GUCD1: variants seen among roughly 807,000 people sequenced by gnomAD.
GUCD1 encodes the protein protein GUCD1.
In GUCD1, 17 loss-of-function variants were observed where a neutral mutation model predicts 28.3. The observed-to-expected ratio is 0.60, with a 90% confidence interval of 0.41 to 0.90. The LOEUF (loss-of-function observed/expected upper bound fraction) is 0.90. GUCD1 is among the 40% of genes least tolerant of loss of function. The pLI, the probability that GUCD1 is intolerant of heterozygous loss-of-function variation, is 0.00. For missense variants in GUCD1, 279 were observed against 305.5 expected, an observed-to-expected ratio of 0.91 and a Z score of 0.65; for synonymous variants, 129 against 123.3, an observed-to-expected ratio of 1.05 and a Z score of -0.30.
chr22:24,555,280 C>T, upstream of GUCD1: 1 of 1,371,566 alleles, frequency 7.3e-7, no homozygotes, highest in African/African-American at 1.5e-5. Flanking sequence ...GCCGCCTCAG[C>T]GTTGAGTGGC....
intron 4 of GUCD1, 124 bp from the exon 5 acceptor site, chr22:24,544,207 C>G (rs2044668266): frequency 7.5e-7 from 1 of 1,333,382 alleles, no homozygotes; most frequent in African/African-American, 1.4e-5. Context: ...TCCCTTTGCC[C>G]TGAACTCCCT....
intron 2 of GUCD1, 103 bp downstream of exon 2, chr22:24,548,814 A>G (rs1003580): frequency 0.8 from 682,730 of 854,604 alleles, 277,337 homozygotes; most frequent in Non-Finnish European, 0.84. Flanking sequence ...AGCCCCAACC[A>G]AAGATAGCTA....
chr22:24,543,715 C>T (rs752586387), intron 5 of GUCD1, 127 bp downstream of exon 5: 406 of 1,235,380 alleles, frequency 3.3e-4, no homozygotes, highest in Non-Finnish European at 4.3e-4. Context: ...GGAGCAGGGG[C>T]TTTGGGGAAA....
At chr22:24,546,769 A>G (rs2044738157) in intron 4 of GUCD1, 145 bp downstream of exon 4, 1 of 692,436 alleles carries the variant, frequency 1.4e-6, no homozygotes, top group East Asian at 2.6e-5. Context: ...GGGGCAAGTC[A>G]GTGCCCACAG....
rs1032352760 is a variant in GUCD1 at position 24,554,801 on chromosome 22, G to A, written c.43+148C>T. On this transcript the variant is annotated intron_variant, in intron 1 of 5. Transcript: ENST00000435822. ...TGACAAGGGTCGCAATCCTGCGAGTGTCAGGAAACCCCCACTGACTGGAAC... is the reference window on the plus strand; with the variant it reads ...TGACAAGGGTCGCAATCCTGCGAGTATCAGGAAACCCCCACTGACTGGAAC... 10 of 600,266 alleles carry A rather than the reference G, an allele frequency of 1.7e-5. No homozygotes were observed. In the African/African-American group the frequency reaches 1.8e-4, roughly 11 times the overall value. The allele number at this position is 600,266 out of a possible 1,614,324, so 37.2% of individuals were successfully genotyped here. A position where few individuals can be genotyped will look rare whatever the true frequency, so the allele number is the denominator to read the frequency against.
upstream of GUCD1, chr22:24,555,459 C>G (rs1026386756): frequency 2.6e-6 from 3 of 1,152,068 alleles, no homozygotes; most frequent in African/African-American, 3.1e-5. Flanking sequence ...TTTGCCAGTC[C>G]TAGGTGTAAG....
chr22:24,550,271 T>C (rs1296274793), intron 1 of GUCD1, among the ~76,000 whole-genome samples: 1 of 152,208 alleles, frequency 6.6e-6, no homozygotes, highest in African/African-American at 2.4e-5. Flanking sequence ...GTACTGGAGA[T>C]ACAGCAGTGA....
intron 2 of GUCD1, among the ~76,000 whole-genome samples, chr22:24,548,521 G>A (rs767554316): frequency 2.0e-5 from 3 of 152,162 alleles, no homozygotes; most frequent in Non-Finnish European, 2.9e-5. Flanking sequence ...ACAAGGTGAC[G>A]GCTACAGTCC....
chr22:24,546,488 G>A (rs1019285960), intron 4 of GUCD1, among the ~76,000 whole-genome samples: 3 of 152,112 alleles, frequency 2.0e-5, no homozygotes, highest in African/African-American at 7.2e-5. Flanking sequence ...GATGAGAAGA[G>A]GAGGCCCTTG....
intron 2 of GUCD1, among the ~76,000 whole-genome samples, chr22:24,548,284 C>G (rs1428232627): frequency 1.3e-5 from 2 of 152,236 alleles, no homozygotes; most frequent in African/African-American, 4.8e-5. Context: ...GACTCTGCTT[C>G]TCAAATCTAT....
rs778352390 is a variant in GUCD1 at position 24,548,068 on chromosome 22, A to C, written c.134T>G (p.Leu45Arg). 6.8e-6 allele frequency: 11 copies of C among 1,613,428 alleles called. No individual in the cohort carries two copies. Among genetic ancestry groups the C allele is most frequent in the Non-Finnish European group, 9.3e-6 (11 of 1,179,756 alleles). Residue 45 changes from leucine (L) to arginine (R), a missense_variant, in exon 3 of 6, where the codon CTG (leucine) becomes CGG (arginine). Physicochemically the swap from Leu to Arg is moderately radical, Grantham distance 102. Coordinates refer to ENST00000435822, the MANE Select transcript of GUCD1 (RefSeq NM_001284254.2). ...AAACTCACTGTCGTCCAGCTGGCCC[A>C]GGTACCTGCAGGTAGACGAGCTGGG... Reference protein sequence around the residue: ...LACSRMVLRYLGQLDDSEFER... With the variant: ...LACSRMVLRYRGQLDDSEFER...
At position 24,542,547 on chromosome 22, in the gene GUCD1, G is replaced by A. The variant is rs1360843519; in HGVS notation, c.*459C>T. The stretch of plus-strand genomic sequence containing the variant: ...ATATGCAGCACTTCCAGGAGAGAGG[G>A]GCCTGGAGGGGTCCTCAGCCCTGGG... On this transcript the variant is annotated 3_prime_UTR_variant, in exon 6 of 6. Transcript: ENST00000435822. The A allele has an allele frequency of 6.1e-6, 1 of 162,664 alleles. No individual in the cohort carries two copies. Among genetic ancestry groups the A allele is most frequent in the African/African-American group, 2.4e-5 (1 of 41,718 alleles). 10.1% of individuals were successfully genotyped at this position (162,664 alleles called of 1,614,324 possible). A position where few individuals can be genotyped will look rare whatever the true frequency, so the allele number is the denominator to read the frequency against.
intron 4 of GUCD1, 86 bp downstream of exon 4, chr22:24,546,828 G>A: frequency 8.1e-7 from 1 of 1,239,244 alleles, no homozygotes; most frequent in Non-Finnish European, 1.2e-6. Context: ...AGCCTTTCCT[G>A]AACACCATCC....
intron 1 of GUCD1, among the ~76,000 whole-genome samples, chr22:24,552,317 T>G (rs1181221815): frequency 6.6e-6 from 1 of 152,160 alleles, no homozygotes; most frequent in Non-Finnish European, 1.5e-5. Context: ...AAAAAGAAAT[T>G]AAATTTCTAT....
At position 24,542,934 on chromosome 22, in the gene GUCD1, C is replaced by T; in HGVS notation, c.*72G>A. ...AACCCCAGCAGCCCCAAGCCTGGGC[C>T]AGGGCATCCTGAGCGGGCCCGGCTG... On this transcript the variant is annotated 3_prime_UTR_variant, in exon 6 of 6. Coordinates refer to ENST00000435822, the MANE Select transcript of GUCD1 (RefSeq NM_001284254.2). 1 of 1,090,710 alleles carries T rather than the reference C, an allele frequency of 9.2e-7. No individual in the cohort carries two copies. The highest frequency in any genetic ancestry group is 1.4e-6 in the Non-Finnish European group (1 of 705,412). 67.6% of individuals were successfully genotyped at this position (1,090,710 alleles called of 1,614,324 possible). A position where few individuals can be genotyped will look rare whatever the true frequency, so the allele number is the denominator to read the frequency against.
At chr22:24,555,863 G>T, upstream of GUCD1, 8 of 1,526,868 alleles carry the variant, frequency 5.2e-6, no homozygotes, top group Non-Finnish European at 7.0e-6. Context: ...TCGTACTGGT[G>T]CCCTAGTTTC....
intron 1 of GUCD1, among the ~76,000 whole-genome samples, chr22:24,553,589 C>T (rs553095966): frequency 3.9e-5 from 6 of 152,368 alleles, no homozygotes; most frequent in African/African-American, 1.4e-4. Flanking sequence ...TTCCAGACTA[C>T]AGCCCTCTGT....
chr22:24,543,755 G>A, intron 5 of GUCD1, 87 bp downstream of exon 5: 1 of 1,523,356 alleles, frequency 6.6e-7, no homozygotes, highest in Non-Finnish European at 9.0e-7. Context: ...GGCCACACTA[G>A]ATTGAATGGG....
At chr22:24,551,305 TC>T (rs2044865971) in intron 1 of GUCD1, among the ~76,000 whole-genome samples, 1 of 152,152 alleles carries the variant, frequency 6.6e-6, no homozygotes, top group South Asian at 2.1e-4. Flanking sequence ...GCTCACATGT[TC>T]CCCTGCTATC....
Sources: allele counts gnomAD v4.1 joint callset (sites outside exome capture counted in the v4.1 genomes callset), GRCh38; gene constraint gnomAD v4.1.1; transcripts MANE v1.5; gene names NCBI Gene and HGNC (gene_info 2026-07-23, HGNC 2026-07-21).